Variants in OTUD7B observed in about 807,000 individuals in gnomAD.
The protein encoded by OTUD7B is OTU domain-containing protein 7B.
A neutral mutation model predicts 82.2 loss-of-function variants in OTUD7B; 34 were observed. The observed-to-expected ratio is 0.41, with a 90% CI of 0.31 to 0.55. OTUD7B has a LOEUF of 0.55. Ranked by LOEUF, OTUD7B falls within the 20% of genes least tolerant of loss-of-function variation. The pLI is 0.20. For synonymous variants in OTUD7B, 398 were observed against 402.7 expected (o/e 0.99, Z 0.14); for missense variants, 944 against 1,062.1 (o/e 0.89, Z 1.55).
intron 2 of OTUD7B, among the ~76,000 whole-genome samples, chr1:149,975,386 C>T (rs1650237979): frequency 6.6e-6 from 1 of 152,186 alleles, no homozygotes; most frequent in Non-Finnish European, 1.5e-5. Context: ...AACCAGATTG[C>T]CTAGATTCAA....
At chr1:149,998,272 TACC>T (rs1211098480) in intron 1 of OTUD7B, among the ~76,000 whole-genome samples, 1 of 152,216 alleles carries the variant, frequency 6.6e-6, no homozygotes, top group Admixed American at 6.5e-5. Context: ...CTCTATTTTA[TACC>T]ACAAGGCTGA....
intron 1 of OTUD7B, among the ~76,000 whole-genome samples, chr1:149,992,465 G>GGGTT (rs1651638498): frequency 2.2e-5 from 1 of 45,944 alleles, no homozygotes; most frequent in South Asian, 9.7e-4. Context: ...TTGTGTGCAT[G>GGGTT]TGTTTTTTTT....
chr1:149,981,378 A>G (rs996017989), intron 1 of OTUD7B, among the ~76,000 whole-genome samples: 5 of 152,184 alleles, frequency 3.3e-5, no homozygotes, highest in African/African-American at 1.2e-4. Flanking sequence ...TATAATGTCT[A>G]CTTTATTACT....
upstream of OTUD7B, among the ~76,000 whole-genome samples, chr1:150,015,365 C>G (rs587731292): frequency 1.5e-4 from 22 of 146,102 alleles, no homozygotes; most frequent in African/African-American, 5.7e-4. Flanking sequence ...GCAATCTCGG[C>G]TCACTGCAAC....
chr1:149,993,230 C>A (rs1651712441), intron 1 of OTUD7B, among the ~76,000 whole-genome samples: 1 of 152,162 alleles, frequency 6.6e-6, no homozygotes, highest in Admixed American at 6.5e-5. Context: ...TGTAGGGAGG[C>A]AATATTTCCT....
chr1:150,066,441 A>AC, the OTUD7B span, among the ~76,000 whole-genome samples: 21 of 151,596 alleles, frequency 1.4e-4, no homozygotes, highest in East Asian at 4.1e-3. The surrounding 1 kb of genome is among the most constrained non-coding windows in gnomAD (Gnocchi z 4.6). Flanking sequence ...AAGAAAAAAA[A>AC]CATATTCTTC....
chr1:149,965,868 G>A lies in OTUD7B; in HGVS notation c.513C>T (p.Asn171=). 6.2e-7 allele frequency: 1 copy of A among 1,613,608 alleles called. No individual in the cohort carries two copies. Residue 171 remains asparagine, a synonymous_variant, in exon 5 of 12, where the codon AAC becomes AAT. Coordinates refer to ENST00000581312, the MANE Select transcript of OTUD7B (RefSeq NM_020205.4). ...AGGTGGGATCCACACTCACCCACCA[G>A]TTCAAACGCCCTGTAGAAACAAGAT... The part of the protein sequence containing the change: ...LVALEQAGRL[N]WWVSVDPTSQ...
the OTUD7B span, chr1:150,054,319 C>T: frequency 3.2e-5 from 16 of 502,614 alleles, no homozygotes; most frequent in Admixed American, 3.4e-4. Context: ...TGATCATCCT[C>T]ACTGAAAGCC....
In OTUD7B at chr1:149,997,305, C is replaced by T. The variant is rs587668862; in HGVS notation, c.-67+13143G>A. Among the ~76,000 whole-genome samples, 5 of 152,220 alleles carry T rather than the reference C, an allele frequency of 3.3e-5. No homozygotes were observed. In the East Asian group the frequency reaches 5.8e-4, roughly 18 times the overall value. On this transcript the variant is annotated intron_variant, in intron 1 of 11. Coordinates refer to ENST00000581312, the MANE Select transcript of OTUD7B (RefSeq NM_020205.4). ...ATACAAAAGATCTAAGGCTATTCAA[C>T]GCTGTAAAAAATCTCCTATTAGCAA...
intron 1 of OTUD7B, among the ~76,000 whole-genome samples, chr1:149,980,230 G>T (rs1553779386): frequency 6.7e-6 from 1 of 150,116 alleles, no homozygotes; most frequent in Non-Finnish European, 1.5e-5. Flanking sequence ...AGAATGCCTT[G>T]CTCTTTAGCA....
At chr1:150,059,296 ACCCCCCCCC>A in the OTUD7B span, among the ~76,000 whole-genome samples, 2 of 6,802 alleles carry the variant, frequency 2.9e-4, 1 homozygote, top group Non-Finnish European at 5.8e-4. Flanking sequence ...CTCGTGATCC[ACCCCCCCCC>A]CCCCCGCCTC....
the OTUD7B span, among the ~76,000 whole-genome samples, chr1:150,028,374 A>G: frequency 6.6e-6 from 1 of 152,392 alleles, no homozygotes; most frequent in East Asian, 1.9e-4. Context: ...AATGTGAAAG[A>G]AAAATTAAAC....
intron 1 of OTUD7B, among the ~76,000 whole-genome samples, chr1:149,985,895 A>G (rs587750437): frequency 3.9e-5 from 6 of 152,088 alleles, no homozygotes; most frequent in African/African-American, 1.4e-4. Flanking sequence ...GTCCCTTTGC[A>G]CATATTGTTC....
chr1:149,955,392 C>T (rs1179967585), intron 7 of OTUD7B, among the ~76,000 whole-genome samples: 2 of 152,202 alleles, frequency 1.3e-5, no homozygotes, highest in Admixed American at 6.5e-5. Flanking sequence ...TTTGATTGCA[C>T]TGTGGTCTGA....
chr1:149,956,793 A>G (rs1169692845), intron 7 of OTUD7B, among the ~76,000 whole-genome samples: 5 of 152,120 alleles, frequency 3.3e-5, no homozygotes, highest in African/African-American at 9.7e-5. Flanking sequence ...TTGATCTTCA[A>G]TCACTGATAC....
chr1:149,969,205 C>T (rs1553777224), intron 3 of OTUD7B, among the ~76,000 whole-genome samples: 1 of 152,074 alleles, frequency 6.6e-6, no homozygotes, highest in African/African-American at 2.4e-5. Context: ...TGCCCATGCT[C>T]CCAGCTACTT....
At chr1:150,003,636 G>GCTCC (rs1652455095) in intron 1 of OTUD7B, among the ~76,000 whole-genome samples, 1 of 152,076 alleles carries the variant, frequency 6.6e-6, no homozygotes, top group Non-Finnish European at 1.5e-5. Flanking sequence ...AGACCCATAC[G>GCTCC]CTCCTCGTGG....
the OTUD7B span, among the ~76,000 whole-genome samples, chr1:150,027,031 G>T: frequency 6.6e-5 from 10 of 152,154 alleles, no homozygotes; most frequent in South Asian, 2.1e-4. Context: ...CATGTGATGT[G>T]TTCCTGCTAA....
the OTUD7B span, among the ~76,000 whole-genome samples, chr1:150,026,353 T>C: frequency 6.6e-6 from 1 of 152,246 alleles, no homozygotes; most frequent in Non-Finnish European, 1.5e-5. Context: ...ACATATATCA[T>C]AGACCATGCA....
Sources: allele counts gnomAD v4.1 joint callset (sites outside exome capture counted in the v4.1 genomes callset), GRCh38; gene constraint gnomAD v4.1.1; non-coding constraint Gnocchi (gnomAD v3.1); transcripts MANE v1.5; gene names NCBI Gene and HGNC (gene_info 2026-07-23, HGNC 2026-07-21).